KYAT1: variants seen among roughly 807,000 people sequenced by gnomAD.
KYAT1 encodes kynurenine aminotransferase 1, also known as kynurenine--oxoglutarate transaminase 1.
KYAT1 carries 47 observed loss-of-function variants against 52.4 expected under a neutral mutation model. The ratio of observed to expected loss-of-function variants is 0.90; its 90% confidence interval spans 0.71 to 1.14. The LOEUF (loss-of-function observed/expected upper bound fraction) is 1.14. Ranked by LOEUF, KYAT1 falls within the 50% of genes most tolerant of loss-of-function variation. KYAT1 has a pLI of 0.00. For synonymous variants in KYAT1, 212 were observed against 209.6 expected (o/e 1.01, Z -0.10); for missense variants, 480 against 557.9 (o/e 0.86, Z 1.41).
intron 1 of KYAT1, among the ~76,000 whole-genome samples, chr9:128,863,566 TGTG>T (rs1474227349): frequency 1.6e-5 from 2 of 127,712 alleles, no homozygotes; most frequent in Non-Finnish European, 3.2e-5. Context: ...AGCTTATGGG[TGTG>T]GTGAAGGTAG....
chr9:128,877,742 G>C (rs1057319560), intron 1 of KYAT1, among the ~76,000 whole-genome samples: 1 of 152,146 alleles, frequency 6.6e-6, no homozygotes, highest in African/African-American at 2.4e-5. Context: ...TTCTCAATAG[G>C]GGCACACTTA....
At chr9:128,871,684 C>T (rs907810390) in intron 1 of KYAT1, among the ~76,000 whole-genome samples, 1 of 152,026 alleles carries the variant, frequency 6.6e-6, no homozygotes, top group African/African-American at 2.4e-5. Context: ...TGCATTCCAG[C>T]CTGGGTGACA....
At chr9:128,854,224 A>G (rs1834314139) in intron 1 of KYAT1, among the ~76,000 whole-genome samples, 1 of 152,206 alleles carries the variant, frequency 6.6e-6, no homozygotes, top group South Asian at 2.1e-4. Flanking sequence ...AAAAAGGAAA[A>G]GGACAGTAAG....
chr9:128,856,571 T>A (rs1209080901), intron 1 of KYAT1, among the ~76,000 whole-genome samples: 2 of 152,234 alleles, frequency 1.3e-5, no homozygotes, highest in South Asian at 2.1e-4. Context: ...TGTTAATTTG[T>A]AACTTTGCCC....
rs553753599 is a variant in KYAT1, at chr9:128,870,389, T to A, written c.-7+11508A>T. Among the ~76,000 whole-genome samples, 14 of 152,328 alleles carry A rather than the reference T, an allele frequency of 9.2e-5. No homozygotes were observed. The South Asian group carries it at 2.9e-3, about 32-fold the overall frequency. The stretch of plus-strand genomic sequence containing the variant: ...AGGCCAGGGCGACATGGCTGATGAC[T>A]ATAATCTCTGCACTTTGGAAGGCTG... On this transcript the variant is annotated intron_variant, in intron 1 of 12. Transcript: ENST00000302586.
intron 1 of KYAT1, among the ~76,000 whole-genome samples, chr9:128,873,882 G>A (rs1290079687): frequency 6.6e-6 from 1 of 151,326 alleles, no homozygotes; most frequent in African/African-American, 2.4e-5. Flanking sequence ...GGAGGCAGAG[G>A]TTGCAGTGAG....
chr9:128,867,850 G>A (rs1443802641), intron 1 of KYAT1, among the ~76,000 whole-genome samples: 1 of 152,158 alleles, frequency 6.6e-6, no homozygotes, highest in Non-Finnish European at 1.5e-5. Context: ...TTGGCTCACT[G>A]CAAGCTCTGC....
At chr9:128,854,291 T>C (rs1256652643) in intron 1 of KYAT1, among the ~76,000 whole-genome samples, 1 of 152,208 alleles carries the variant, frequency 6.6e-6, no homozygotes, top group African/African-American at 2.4e-5. Context: ...TAAATTTTTT[T>C]AACATTTATA....
intron 1 of KYAT1, among the ~76,000 whole-genome samples, chr9:128,872,168 G>A (rs1837322179): frequency 6.6e-6 from 1 of 151,198 alleles, no homozygotes; most frequent in African/African-American, 2.4e-5. Context: ...GAATTGGCTG[G>A]GCATGGTGGC....
intron 2 of KYAT1, among the ~76,000 whole-genome samples, chr9:128,843,440 G>A (rs892498196): frequency 6.7e-6 from 1 of 150,280 alleles, no homozygotes; most frequent in African/African-American, 2.5e-5. Flanking sequence ...GTGCAGTGGT[G>A]CAATCTCAAC....
intron 3 of KYAT1, among the ~76,000 whole-genome samples, chr9:128,841,060 C>G (rs1832062239): frequency 6.6e-6 from 1 of 152,216 alleles, no homozygotes; most frequent in Non-Finnish European, 1.5e-5. Flanking sequence ...GGCAACAGAA[C>G]AGTATGCAGC....
chr9:128,866,621 A>T (rs1304668381), intron 1 of KYAT1, among the ~76,000 whole-genome samples: 1 of 149,742 alleles, frequency 6.7e-6, no homozygotes, highest in Non-Finnish European at 1.5e-5. Context: ...AAAGAAAAGA[A>T]AATAGTCGCC....
intron 1 of KYAT1, among the ~76,000 whole-genome samples, chr9:128,881,579 T>G (rs1838912071): frequency 6.6e-6 from 1 of 151,888 alleles, no homozygotes; most frequent in African/African-American, 2.4e-5. Flanking sequence ...AGCTGCAGAG[T>G]TGGAGTCTGG....
chr9:128,840,171 C>T (rs1427536217), intron 3 of KYAT1, among the ~76,000 whole-genome samples: 1 of 151,838 alleles, frequency 6.6e-6, no homozygotes, highest in Non-Finnish European at 1.5e-5. Flanking sequence ...GGCACAGTGG[C>T]TCATGCCTGT....
In KYAT1 at chr9:128,866,713, C is replaced by G. The variant is rs1312678422; in HGVS notation, c.-7+15184G>C. 3.3e-5 allele frequency among the ~76,000 whole-genome samples: 5 copies of G among 152,186 alleles called. No homozygotes were observed. In the East Asian group the frequency reaches 9.6e-4, roughly 29 times the overall value. ...TCACTTGAGGCCAGGTGTTCAAAAC[C>G]AGCCTGGCCAACATGGTGAAACCCT... is the stretch of plus-strand genomic sequence containing the variant. On this transcript the variant is annotated intron_variant, in intron 1 of 12. Transcript: ENST00000302586.
chr9:128,880,221 C>G (rs1156588179), intron 1 of KYAT1, among the ~76,000 whole-genome samples: 1 of 152,144 alleles, frequency 6.6e-6, no homozygotes, highest in Admixed American at 6.5e-5. Flanking sequence ...GGTGCCCAAG[C>G]CCTGGACTTT....
intron 1 of KYAT1, among the ~76,000 whole-genome samples, chr9:128,876,651 C>T (rs1051563618): frequency 5.6e-4 from 85 of 150,696 alleles, no homozygotes; most frequent in African/African-American, 1.9e-3. Context: ...AATCTCCTGA[C>T]CTCGTGATCC....
intron 1 of KYAT1, chr9:128,847,459 G>C: frequency 2.0e-6 from 3 of 1,535,848 alleles, no homozygotes; most frequent in Non-Finnish European, 2.6e-6. Context: ...CAAGTGAGTG[G>C]GGCTCCAGCC....
At chr9:128,846,331 G>A (rs1833086862) in intron 1 of KYAT1, among the ~76,000 whole-genome samples, 1 of 152,240 alleles carries the variant, frequency 6.6e-6, no homozygotes, top group Admixed American at 6.5e-5. Context: ...TTGGGAGGCT[G>A]AGGCACAAGA....
Sources: gnomAD v4.1 joint callset for allele counts (sites outside exome capture counted in the v4.1 genomes callset) on GRCh38, gnomAD v4.1.1 for gene constraint, MANE v1.5 for transcripts, NCBI Gene and HGNC (gene_info 2026-07-23, HGNC 2026-07-21) for gene names.